The following CSMD2 variants were observed in gnomAD, a reference collection of about 807,000 sequenced individuals.
CSMD2 encodes CUB and Sushi multiple domains 2, also known as CUB and sushi domain-containing protein 2.
In CSMD2, 130 loss-of-function variants were observed where a neutral mutation model predicts 398.5. That is an observed-to-expected ratio of 0.33 (90% CI 0.28 to 0.38). The LOEUF (loss-of-function observed/expected upper bound fraction) is 0.38, where lower values mean the gene tolerates loss of function less well. CSMD2 is among the 10% of genes least tolerant of loss of function. The pLI is 1.00. For missense variants in CSMD2, 3,829 were observed against 4,764.9 expected (o/e 0.80, Z 5.78); for synonymous variants, 1,828 against 1,908.5 (o/e 0.96, Z 1.10).
At chr1:33,812,772 A>T (rs1657002621) in intron 9 of CSMD2, among the ~76,000 whole-genome samples, 1 of 152,200 alleles carries the variant, frequency 6.6e-6, no homozygotes, top group Non-Finnish European at 1.5e-5. Flanking sequence ...AGGGCCTGGG[A>T]TGTGGTCAAT....
At chr1:33,915,360 T>A (rs1643669857) in intron 5 of CSMD2, among the ~76,000 whole-genome samples, 1 of 152,214 alleles carries the variant, frequency 6.6e-6, no homozygotes, top group Non-Finnish European at 1.5e-5. Flanking sequence ...CACACATACG[T>A]CCTGAGTCTC....
At chr1:34,055,146 AAAC>A (rs1653677540) in intron 2 of CSMD2, among the ~76,000 whole-genome samples, 1 of 152,016 alleles carries the variant, frequency 6.6e-6, no homozygotes, top group African/African-American at 2.4e-5. Flanking sequence ...CTCTCTCCCC[AAAC>A]AACAATAACA....
chr1:34,103,941 T>C (rs1660276832), intron 1 of CSMD2, among the ~76,000 whole-genome samples: 3 of 152,234 alleles, frequency 2.0e-5, no homozygotes, highest in Non-Finnish European at 4.4e-5. Context: ...ATATTGTGTG[T>C]GGGCAACTTA....
At position 34,125,377 on chromosome 1, in the gene CSMD2, A is replaced by G. The variant is rs561376382; in HGVS notation, c.188-36184T>C. 8.3e-4 allele frequency among the ~76,000 whole-genome samples: 126 copies of G among 152,286 alleles called. 1 individual carries two copies. Among genetic ancestry groups the G allele is most frequent in the South Asian group, 3.1e-3 (15 of 4,826 alleles). ...TGGGAAGGTTAGCCCTTGGCCAGGG[A>G]AACTTGCCCTGCCATCAGGCATATG... On this transcript the variant is annotated intron_variant, in intron 1 of 70. Coordinates refer to ENST00000373381, the MANE Select transcript of CSMD2 (RefSeq NM_001281956.2).
chr1:33,739,675 G>C (rs1381084709), intron 14 of CSMD2, among the ~76,000 whole-genome samples: 1 of 152,176 alleles, frequency 6.6e-6, no homozygotes, highest in Non-Finnish European at 1.5e-5. Context: ...AGGAAACTGA[G>C]GCTCAGTGTG....
chr1:33,952,675 T>TAG (rs1645042590), intron 3 of CSMD2, among the ~76,000 whole-genome samples: 2 of 148,622 alleles, frequency 1.3e-5, no homozygotes, highest in African/African-American at 5.0e-5. Flanking sequence ...TTTTGTTGTT[T>TAG]ACACACACAC....
intron 13 of CSMD2, among the ~76,000 whole-genome samples, chr1:33,770,014 C>T (rs904491072): frequency 1.3e-5 from 2 of 152,138 alleles, no homozygotes; most frequent in African/African-American, 4.8e-5. Context: ...CTATTGATAA[C>T]ATTATATTTG....
intron 1 of CSMD2, among the ~76,000 whole-genome samples, chr1:34,106,907 A>G (rs1184252489): frequency 6.6e-6 from 1 of 152,232 alleles, no homozygotes. Flanking sequence ...TTGCGGACCA[A>G]ACATGATTTT....
chr1:33,570,872 G>T (rs1659533551), intron 51 of CSMD2, among the ~76,000 whole-genome samples: 1 of 152,104 alleles, frequency 6.6e-6, no homozygotes, highest in South Asian at 2.1e-4. Context: ...GTGAGCTAAG[G>T]CTTTCATGGA....
chr1:33,588,351 A>G (rs578058140), intron 44 of CSMD2, among the ~76,000 whole-genome samples: 176 of 151,736 alleles, frequency 1.2e-3, no homozygotes, highest in African/African-American at 4.1e-3. Context: ...TAAAGCTGCA[A>G]TGAAATCTTT....
At chr1:33,739,385 G>A in intron 14 of CSMD2, 51 bp from the exon 15 acceptor site, 1 of 1,507,348 alleles carries the variant, frequency 6.6e-7, no homozygotes, top group East Asian at 2.3e-5. Flanking sequence ...GAGTAGAGAA[G>A]AATCCCTAAA....
rs1645903696 is a variant in CSMD2, at chr1:33,709,203, A to G, written c.3462T>C (p.Phe1154=). The G allele has an allele frequency of 1.2e-6, 2 of 1,613,980 alleles. No homozygotes were observed. The highest frequency in any genetic ancestry group is 1.7e-6 in the Non-Finnish European group (2 of 1,179,984). The change falls in exon 22 of 71, where the codon TTT becomes TTC. Residue 1154 remains phenylalanine (F), a synonymous_variant. Transcript: ENST00000373381. ...CATGATTGTTATTGTAGTTCACAGGAAAGTTGGGGGACAGCAAAGTACCCT... is the reference window on the plus strand; with the variant it reads ...CATGATTGTTATTGTAGTTCACAGGGAAGTTGGGGGACAGCAAAGTACCCT... ...GTQGTLLSPN[F]PVNYNNNHEC...
At position 33,790,809 on chromosome 1, in the gene CSMD2, CTAT is replaced by C. The variant is rs1654194906; in HGVS notation, c.1550+1611_1550+1613del. On this transcript the variant is annotated intron_variant, in intron 11 of 70. Coordinates refer to ENST00000373381, the MANE Select transcript of CSMD2 (RefSeq NM_001281956.2). ...CGTCTATCATCTCTCTAATATCTAT[CTAT>C]CTATCTATCTATCTATCTATCTATC... Among the ~76,000 whole-genome samples the C allele has an allele frequency of 3.4e-5, 4 of 117,662 alleles. No homozygotes were observed. The East Asian group carries it at 1.2e-3, about 34-fold the overall frequency. The allele number at this position is 117,662 out of a possible 152,430, so 77.2% of individuals were successfully genotyped here.
chr1:33,941,968 T>C (rs556094478), intron 3 of CSMD2, among the ~76,000 whole-genome samples: 76 of 152,336 alleles, frequency 5.0e-4, no homozygotes, highest in Non-Finnish European at 8.8e-4. Context: ...TGCTACAGTG[T>C]AAGCTCCATA....
At chr1:33,787,282 C>A (rs962175675) in intron 12 of CSMD2, among the ~76,000 whole-genome samples, 1 of 152,164 alleles carries the variant, frequency 6.6e-6, no homozygotes, top group South Asian at 2.1e-4. Context: ...AGCCAGCCAG[C>A]CCAAGAACAC....
At chr1:33,808,326 C>T (rs1656463554) in intron 10 of CSMD2, among the ~76,000 whole-genome samples, 1 of 151,816 alleles carries the variant, frequency 6.6e-6, no homozygotes, top group South Asian at 2.1e-4. Flanking sequence ...GGGTTTTTTT[C>T]AAGCCTACAC....
intron 2 of CSMD2, among the ~76,000 whole-genome samples, chr1:34,081,963 C>G (rs982793246): frequency 2.6e-5 from 4 of 151,566 alleles, no homozygotes; most frequent in African/African-American, 7.3e-5. Context: ...AGGAGCGTCT[C>G]TAACTGGCCG....
At chr1:33,736,553 G>A (rs1646893283) in intron 15 of CSMD2, among the ~76,000 whole-genome samples, 1 of 152,210 alleles carries the variant, frequency 6.6e-6, no homozygotes, top group Non-Finnish European at 1.5e-5. Context: ...GTTCATACAT[G>A]GCCTTGAAGG....
intron 22 of CSMD2, 137 bp from the exon 23 acceptor site, chr1:33,700,810 C>T: frequency 3.7e-6 from 3 of 806,870 alleles, no homozygotes; most frequent in Non-Finnish European, 6.0e-6. Flanking sequence ...TTATCAGATG[C>T]AAGGAAGATG....
Sources: allele counts gnomAD v4.1 joint callset (sites outside exome capture counted in the v4.1 genomes callset), GRCh38; gene constraint gnomAD v4.1.1; transcripts MANE v1.5; gene names NCBI Gene and HGNC (gene_info 2026-07-23, HGNC 2026-07-21).